HSPA9: variants seen among roughly 807,000 people sequenced by gnomAD.
HSPA9 encodes heat shock protein family A (Hsp70) member 9.
Under a neutral mutation model 81.5 loss-of-function variants are expected in HSPA9, and 28 were observed. That is an observed-to-expected ratio of 0.34 (90% CI 0.25 to 0.47). HSPA9 has a LOEUF of 0.47. Among genes scored for constraint, HSPA9 ranks in the 20% least tolerant of loss-of-function variants. The pLI, the probability that HSPA9 is intolerant of heterozygous loss-of-function variation, is 1.00. For synonymous variants in HSPA9, 293 were observed against 290.4 expected (o/e 1.01, Z -0.09); for missense variants, 678 against 838.0 (o/e 0.81, Z 2.36).
chr5:138,570,840 G>A (rs754327223), intron 4 of HSPA9, 120 bp downstream of exon 4: 3 of 934,254 alleles, frequency 3.2e-6, no homozygotes, highest in Non-Finnish European at 5.3e-6. Flanking sequence ...TTTCCCCTAG[G>A]GACAATAAGT....
In HSPA9 at chr5:138,560,043, C is replaced by T. The variant is rs2127154369; in HGVS notation, c.1231G>A (p.Val411Ile). 1.2e-6 allele frequency: 2 copies of T among 1,614,214 alleles called. No individual in the cohort carries two copies. The highest frequency in any genetic ancestry group is 1.7e-6 in the Non-Finnish European group (2 of 1,180,038). ...DLFGRAPSKA[V>I]NPDEAVAIGA... ...ATGGCCACAGCCTCATCAGGATTGA[C>T]AGCTTTACTTGGGGCTCTGCCAAAA... Residue 411 changes from valine (V) to isoleucine (I), a missense_variant, in exon 11 of 17, where the codon GTC (valine) becomes ATC (isoleucine). Transcript: ENST00000297185.
intron 10 of HSPA9, among the ~76,000 whole-genome samples, chr5:138,560,496 T>A (rs1372395395): frequency 6.6e-6 from 1 of 152,220 alleles, no homozygotes; most frequent in Non-Finnish European, 1.5e-5. Flanking sequence ...ACATGGGGCA[T>A]GGTCTTCCCT....
chr5:138,566,587 A>G (rs775714861), intron 9 of HSPA9, 39 bp downstream of exon 9: 1 of 1,321,014 alleles, frequency 7.6e-7, no homozygotes, highest in Admixed American at 1.7e-5. Context: ...CTCCGGCTGA[A>G]AATATCCATC....
At chr5:138,556,703 A>C in intron 15 of HSPA9, 71 bp downstream of exon 15, 1 of 1,562,208 alleles carries the variant, frequency 6.4e-7, no homozygotes, top group Non-Finnish European at 8.8e-7. Flanking sequence ...CAAAACCCAC[A>C]GAAAAATAAA....
intron 5 of HSPA9, among the ~76,000 whole-genome samples, chr5:138,568,447 T>A (rs954727671): frequency 1.3e-5 from 2 of 152,098 alleles, no homozygotes; most frequent in African/African-American, 4.8e-5. Flanking sequence ...GCGGAGGCTT[T>A]GGTGAGCCGA....
intron 3 of HSPA9, among the ~76,000 whole-genome samples, chr5:138,571,594 T>C (rs942544309): frequency 2.6e-5 from 4 of 152,046 alleles, no homozygotes; most frequent in Non-Finnish European, 5.9e-5. Context: ...TGATAGTTAA[T>C]GAACAGTAGA....
chr5:138,560,161 C>T (rs1256764724), intron 10 of HSPA9, 70 bp from the exon 11 acceptor site: 7 of 1,043,740 alleles, frequency 6.7e-6, no homozygotes, highest in East Asian at 5.0e-5. Context: ...AAAGGGAGCA[C>T]GTGTCCTACG....
At chr5:138,570,792 AT>A in intron 4 of HSPA9, 167 bp downstream of exon 4, 1 of 689,426 alleles carries the variant, frequency 1.5e-6, no homozygotes, top group Non-Finnish European at 2.5e-6. Context: ...CCAAAAATGA[AT>A]TTTTTAAAGG....
intron 9 of HSPA9, among the ~76,000 whole-genome samples, chr5:138,564,170 C>G (rs1242556372): frequency 6.6e-6 from 1 of 152,224 alleles, no homozygotes; most frequent in African/African-American, 2.4e-5. Flanking sequence ...GTGGTGCCAT[C>G]TGGGCTCACT....
At chr5:138,568,824 G>C (rs1031871634) in intron 5 of HSPA9, 101 bp downstream of exon 5, 8 of 1,239,804 alleles carry the variant, frequency 6.5e-6, no homozygotes, top group African/African-American at 1.5e-5. Context: ...ATACAAAAGG[G>C]ACCACAGATT....
chr5:138,571,374 G>A (rs1750883673), intron 3 of HSPA9, among the ~76,000 whole-genome samples: 1 of 151,872 alleles, frequency 6.6e-6, no homozygotes, highest in Admixed American at 6.6e-5. Context: ...AGTAGAGACG[G>A]GGGTTTCACC....
intron 7 of HSPA9, 47 bp downstream of exon 7, chr5:138,567,408 A>G: frequency 7.1e-7 from 1 of 1,405,276 alleles, no homozygotes; most frequent in Non-Finnish European, 1.0e-6. Flanking sequence ...ATTAAGTGAC[A>G]CTTTAGTTTC....
At position 138,563,657 on chromosome 5, in the gene HSPA9, C is replaced by T. The variant is rs549040878; in HGVS notation, c.973-1868G>A. ...TCAACTCCTCTGGGGTTTGTATTCA[C>T]TTATCTAGGGAGAGACACCAAATCC... On this transcript the variant is annotated intron_variant, in intron 9 of 16. Coordinates refer to ENST00000297185, the MANE Select transcript of HSPA9 (RefSeq NM_004134.7). Among the ~76,000 whole-genome samples, 78 of 151,344 alleles carry T rather than the reference C, an allele frequency of 5.2e-4. 1 individual carries two copies. Among genetic ancestry groups the T allele is most frequent in the Non-Finnish European group, 8.2e-4 (56 of 67,888 alleles).
chr5:138,574,588 A>T (rs948495900), intron 1 of HSPA9, among the ~76,000 whole-genome samples: 1 of 152,236 alleles, frequency 6.6e-6, no homozygotes, highest in Non-Finnish European at 1.5e-5. Context: ...TTTCACTAGG[A>T]TAAAAGACCT....
Position 138,574,183 on chromosome 5 carries a change from G to A in HSPA9, c.82-57C>T, listed in dbSNP as rs184017911. ...CCAGTGTGTATCCTGGGAGGAAAAAGAGAAAACTTGGGCTCACTTAGTATA... is the reference window on the plus strand; with the variant it reads ...CCAGTGTGTATCCTGGGAGGAAAAAAAGAAAACTTGGGCTCACTTAGTATA... On this transcript the variant is annotated intron_variant, in intron 1 of 16. Transcript: ENST00000297185. 6,662 of 1,261,420 alleles carry A rather than the reference G, an allele frequency of 5.3e-3. 81 individuals are homozygous for A. The highest frequency in any genetic ancestry group is 0.027 in the South Asian group (2,196 of 82,592). The allele number at this position is 1,261,420 out of a possible 1,614,324, so 78.1% of individuals were successfully genotyped here.
intron 9 of HSPA9, among the ~76,000 whole-genome samples, chr5:138,564,199 G>A (rs1357477839): frequency 6.6e-6 from 1 of 152,152 alleles, no homozygotes; most frequent in African/African-American, 2.4e-5. Context: ...TGCCTCCTGG[G>A]TTCAAGCGAT....
intron 13 of HSPA9, 127 bp from the exon 14 acceptor site, chr5:138,557,623 A>G (rs1750556410): frequency 1.3e-6 from 1 of 762,364 alleles, no homozygotes; most frequent in Non-Finnish European, 2.3e-6. Flanking sequence ...GAGGAGAAAT[A>G]CCCTATAGTC....
Position 138,555,026 on chromosome 5 carries a change from G to A in HSPA9, c.*1011C>T, listed in dbSNP as rs914198388. ...AAGCAACCTGAAAATAGCCACCTTG[G>A]TTTTCATGTTAGAGATCTAAAAACT... On this transcript the variant is annotated 3_prime_UTR_variant, in exon 17 of 17. Transcript: ENST00000297185. 1 of 152,110 alleles carries A rather than the reference G, an allele frequency of 6.6e-6. No individual in the cohort carries two copies. Among genetic ancestry groups the A allele is most frequent in the African/African-American group, 2.4e-5 (1 of 41,402 alleles). 9.4% of individuals were successfully genotyped at this position (152,110 alleles called of 1,614,324 possible).
rs762077282 is a variant in HSPA9, at chr5:138,566,606, T to A, written c.972+20A>T. ...GGCTGAAAATATCCATCAAGACTGC[T>A]CGAATTTTCCGTGTCTCACCTGCAC... On this transcript the variant is annotated intron_variant, in intron 9 of 16. Coordinates refer to ENST00000297185, the MANE Select transcript of HSPA9 (RefSeq NM_004134.7). 64 of 1,549,112 alleles carry A rather than the reference T, an allele frequency of 4.1e-5. No homozygotes were observed. The highest frequency in any genetic ancestry group is 5.3e-5 in the Non-Finnish European group (59 of 1,121,678).
Sources: allele counts gnomAD v4.1 joint callset (sites outside exome capture counted in the v4.1 genomes callset), GRCh38; gene constraint gnomAD v4.1.1; transcripts MANE v1.5; gene names NCBI Gene and HGNC (gene_info 2026-07-23, HGNC 2026-07-21).